Variants in PCLO observed in about 807,000 individuals in gnomAD.
The protein encoded by PCLO is protein piccolo.
In PCLO, 82 loss-of-function variants were observed where a neutral mutation model predicts 427.5. That is an observed-to-expected ratio of 0.19 (90% confidence interval 0.16 to 0.23). PCLO has a LOEUF of 0.23. Among genes scored for constraint, PCLO ranks in the 10% least tolerant of loss-of-function variants. The pLI is 1.00. For synonymous variants in PCLO, 2,357 were observed against 2,155.4 expected (o/e 1.09, Z -2.59); for missense variants, 6,239 against 6,115.9 (o/e 1.02, Z -0.67).
intron 6 of PCLO, among the ~76,000 whole-genome samples, chr7:82,941,354 C>T (rs1181798718): frequency 6.6e-6 from 1 of 152,002 alleles, no homozygotes; most frequent in Non-Finnish European, 1.5e-5. Flanking sequence ...CTTACCACAC[C>T]ACACTTGTTC....
intron 6 of PCLO, 131 bp from the exon 7 acceptor site, chr7:82,917,004 T>G: frequency 5.2e-6 from 3 of 571,864 alleles, no homozygotes; most frequent in Non-Finnish European, 8.7e-6. Context: ...TAAAATAAAA[T>G]ATATGCATAT....
At chr7:82,986,771 T>G (rs1242124011) in intron 3 of PCLO, among the ~76,000 whole-genome samples, 1 of 151,906 alleles carries the variant, frequency 6.6e-6, no homozygotes, top group African/African-American at 2.4e-5. Flanking sequence ...AATGAATAAT[T>G]CTTTACAAAC....
At chr7:83,016,712 A>C (rs1170638239) in intron 3 of PCLO, among the ~76,000 whole-genome samples, 1 of 152,150 alleles carries the variant, frequency 6.6e-6, no homozygotes, top group Non-Finnish European at 1.5e-5. Context: ...TATGTGTAAC[A>C]TGGGAAAAGT....
intron 3 of PCLO, among the ~76,000 whole-genome samples, chr7:82,998,640 C>T (rs1422261074): frequency 6.6e-6 from 1 of 151,866 alleles, no homozygotes; most frequent in Non-Finnish European, 1.5e-5. Context: ...GGCACATGTT[C>T]ACTAAAGACT....
Position 83,135,344 on chromosome 7 carries a change from T to C in PCLO, c.2206A>G (p.Lys736Glu). ...TGCTCAGATGGGACAGAAGGTTCTT[T>C]GGGAGGGGCTGGCTTGGACAAAGAA... The part of the protein sequence containing the change: ...ADSLSKPAPP[K>E]EPSVPSEQDK... Residue 736 changes from lysine to glutamate, a missense_variant, in exon 3 of 25, where the codon AAA becomes GAA. Physicochemically the swap from Lys to Glu is moderately conservative, Grantham distance 56 (BLOSUM62 1). Coordinates refer to ENST00000333891, the MANE Select transcript of PCLO (RefSeq NM_033026.6). 1 of 1,613,920 alleles carries C rather than the reference T, an allele frequency of 6.2e-7. No individual in the cohort carries two copies. The highest frequency in any genetic ancestry group is 2.2e-5 in the East Asian group (1 of 44,868).
chr7:82,830,748 G>T (rs1792074447), intron 16 of PCLO, among the ~76,000 whole-genome samples: 1 of 151,926 alleles, frequency 6.6e-6, no homozygotes, highest in Non-Finnish European at 1.5e-5. Flanking sequence ...GCAAACCCAT[G>T]TACTATCACT....
At chr7:83,124,227 G>A in intron 3 of PCLO, among the ~76,000 whole-genome samples, 1 of 151,638 alleles carries the variant, frequency 6.6e-6, no homozygotes, top group East Asian at 1.9e-4. Flanking sequence ...TGAGGCAGGA[G>A]AATGGCGTGA....
At chr7:83,060,258 C>T (rs987806935) in intron 3 of PCLO, among the ~76,000 whole-genome samples, 2 of 152,152 alleles carry the variant, frequency 1.3e-5, no homozygotes, top group Non-Finnish European at 1.5e-5. Flanking sequence ...AGGTGTCCTA[C>T]ATGCTTCCTG....
At chr7:82,889,683 G>T (rs1475415837) in intron 9 of PCLO, among the ~76,000 whole-genome samples, 1 of 151,964 alleles carries the variant, frequency 6.6e-6, no homozygotes, top group Non-Finnish European at 1.5e-5. Context: ...TTGCAGCATT[G>T]TTTATAATAA....
At chr7:82,853,995 C>G (rs536365803) in intron 10 of PCLO, among the ~76,000 whole-genome samples, 336 of 152,276 alleles carry the variant, frequency 2.2e-3, no homozygotes, top group Non-Finnish European at 4.0e-3. Flanking sequence ...ACTTTAGGAT[C>G]CTAAAACTTC....
rs1263865734 is a variant in PCLO, at chr7:82,755,686, TAA to T, written c.*2887_*2888del. On this transcript the variant is annotated 3_prime_UTR_variant, in exon 25 of 25. Coordinates refer to ENST00000333891, the MANE Select transcript of PCLO (RefSeq NM_033026.6). ...AAAAGTTAATTCCAATAAAATGAAATAAACTAAAGAGTGAAAAACCATGTACT... is the reference window on the plus strand; with the variant it reads ...AAAAGTTAATTCCAATAAAATGAAATACTAAAGAGTGAAAAACCATGTACT... 1 of 151,840 alleles carries T rather than the reference TAA, an allele frequency of 6.6e-6. No individual in the cohort carries two copies. Among genetic ancestry groups the T allele is most frequent in the Non-Finnish European group, 1.5e-5 (1 of 67,916 alleles). 9.4% of individuals were successfully genotyped at this position (151,840 alleles called of 1,614,324 possible). A position where few individuals can be genotyped will look rare whatever the true frequency, so the allele number is the denominator to read the frequency against.
At position 82,926,968 on chromosome 7, in the gene PCLO, C is replaced by T. The variant is rs11978948; in HGVS notation, c.11113-10095G>A. On this transcript the variant is annotated intron_variant, in intron 6 of 24. Coordinates refer to ENST00000333891, the MANE Select transcript of PCLO (RefSeq NM_033026.6). ...GACGGCTATACTACAACAAAGGGAA[C>T]AAAATATATCCTGTTCATATGGTTC... 3.2e-3 allele frequency among the ~76,000 whole-genome samples: 490 copies of T among 152,176 alleles called. 2 individuals carry two copies. The highest frequency in any genetic ancestry group is 0.011 in the African/African-American group (471 of 41,526).
chr7:83,115,998 A>C (rs940358994), intron 3 of PCLO, among the ~76,000 whole-genome samples: 2 of 151,940 alleles, frequency 1.3e-5, no homozygotes, highest in African/African-American at 4.8e-5. Context: ...ACACATATAC[A>C]TATATGTATA....
intron 3 of PCLO, among the ~76,000 whole-genome samples, chr7:83,110,080 C>T (rs1790964397): frequency 6.6e-6 from 1 of 150,414 alleles, no homozygotes; most frequent in South Asian, 2.1e-4. Flanking sequence ...ACCTGGCCCC[C>T]AAGCAGGTTC....
chr7:82,943,336 CTAT>C (rs1359526141), intron 6 of PCLO, among the ~76,000 whole-genome samples: 23 of 152,172 alleles, frequency 1.5e-4, no homozygotes, highest in African/African-American at 5.3e-4. Context: ...AATTAATAGC[CTAT>C]GTACTTTTAA....
intron 21 of PCLO, among the ~76,000 whole-genome samples, chr7:82,805,066 G>A (rs1791430765): frequency 6.7e-6 from 1 of 149,250 alleles, no homozygotes; most frequent in Non-Finnish European, 1.5e-5. Context: ...CTAAAGTTTT[G>A]CATTTGATTT....
At chr7:83,081,391 TAGTCTACACAAGGTTA>T (rs1411364279) in intron 3 of PCLO, among the ~76,000 whole-genome samples, 3 of 151,962 alleles carry the variant, frequency 2.0e-5, no homozygotes, top group Non-Finnish European at 2.9e-5. Context: ...TCATTTTAGA[TAGTCTACACAAGGTTA>T]GACTCCAAAT....
At chr7:83,093,654 G>A (rs1269440847) in intron 3 of PCLO, among the ~76,000 whole-genome samples, 3 of 148,750 alleles carry the variant, frequency 2.0e-5, no homozygotes, top group Admixed American at 6.7e-5. Context: ...TACCACACCC[G>A]GCTAATTTTT....
At chr7:83,084,062 G>A (rs561836903) in intron 3 of PCLO, among the ~76,000 whole-genome samples, 1 of 152,128 alleles carries the variant, frequency 6.6e-6, no homozygotes, top group African/African-American at 2.4e-5. Flanking sequence ...GAATAATGAA[G>A]AGGATCTCTT....
Sources: gnomAD v4.1 joint callset for allele counts (sites outside exome capture counted in the v4.1 genomes callset) on GRCh38, gnomAD v4.1.1 for gene constraint, MANE v1.5 for transcripts, NCBI Gene and HGNC (gene_info 2026-07-23, HGNC 2026-07-21) for gene names.